ADAMTSL1: variants seen among roughly 807,000 people sequenced by gnomAD.
ADAMTSL1 encodes ADAMTS-like protein 1.
Under a neutral mutation model 201.8 loss-of-function variants are expected in ADAMTSL1, and 126 were observed. That is an observed-to-expected ratio of 0.62 (90% CI 0.54 to 0.72). ADAMTSL1 has a LOEUF of 0.72. Among genes scored for constraint, ADAMTSL1 ranks in the 30% least tolerant of loss-of-function variants. The pLI is 0.00. For missense variants in ADAMTSL1, 2,679 were observed against 2,277.8 expected, an observed-to-expected ratio of 1.18 and a Z score of -3.59; for synonymous variants, 1,121 against 903.4, an observed-to-expected ratio of 1.24 and a Z score of -4.32.
chr9:18,661,871 G>C, intron 8 of ADAMTSL1, 64 bp from the exon 9 acceptor site: 1 of 1,522,486 alleles, frequency 6.6e-7, no homozygotes, highest in Non-Finnish European at 8.8e-7. Flanking sequence ...TGGCCAAAAT[G>C]CATAAAGAAA....
intron 1 of ADAMTSL1, among the ~76,000 whole-genome samples, chr9:18,012,308 T>G (rs913784521): frequency 1.3e-5 from 2 of 152,004 alleles, no homozygotes; most frequent in Non-Finnish European, 2.9e-5. Context: ...TTTCCAGGGT[T>G]TCTGGTGTGT....
chr9:18,893,022 T>G (rs1268533395), intron 26 of ADAMTSL1, among the ~76,000 whole-genome samples: 1 of 151,528 alleles, frequency 6.6e-6, no homozygotes, highest in African/African-American at 2.4e-5. Context: ...GCCATTTGTG[T>G]CCCAGGTAAG....
At chr9:18,333,719 A>G (rs1586911304) in intron 2 of ADAMTSL1, among the ~76,000 whole-genome samples, 1 of 152,206 alleles carries the variant, frequency 6.6e-6, no homozygotes, top group Non-Finnish European at 1.5e-5. Flanking sequence ...TGTAGCTTCC[A>G]TTATAAGAAA....
intron 2 of ADAMTSL1, among the ~76,000 whole-genome samples, chr9:18,345,903 G>C (rs1835692619): frequency 1.3e-5 from 2 of 152,000 alleles, no homozygotes; most frequent in African/African-American, 2.4e-5. Context: ...ATTGAACATG[G>C]AGATCCACTC....
At chr9:18,634,911 T>TATATAAATATGTATGTAAATATATATATA (rs1554719412) in intron 5 of ADAMTSL1, among the ~76,000 whole-genome samples, 1 of 81,436 alleles carries the variant, frequency 1.2e-5, no homozygotes. Context: ...ATATATTTAA[T>TATATAAATATGTATGTAAATATATATATA]ATATATATAT....
chr9:18,367,570 T>C (rs1016944727), intron 2 of ADAMTSL1, among the ~76,000 whole-genome samples: 3 of 151,970 alleles, frequency 2.0e-5, no homozygotes, highest in African/African-American at 7.2e-5. Flanking sequence ...TTTAATATAC[T>C]ATGTATAAAT....
chr9:18,467,589 T>A (rs187001082), intron 2 of ADAMTSL1, among the ~76,000 whole-genome samples: 84 of 152,256 alleles, frequency 5.5e-4, no homozygotes, highest in African/African-American at 1.9e-3. Context: ...TTTTAAAAAA[T>A]TGCAGTTAGC....
rs181810756 is a variant in ADAMTSL1, at chr9:17,951,761, T to G, written c.87+44839T>G. 2.6e-3 allele frequency among the ~76,000 whole-genome samples: 390 copies of G among 152,240 alleles called. 3 individuals carry two copies. Among genetic ancestry groups the G allele is most frequent in the Non-Finnish European group, 3.8e-3 (256 of 68,028 alleles). ...TAGTCTGTGGCTTATCTTTTAATTT[T>G]ATGATATATTTTGTTCTAATATTTT... On this transcript the variant is annotated intron_variant, in intron 1 of 29. Transcript: ENST00000680146.
chr9:18,414,885 C>T (rs1448538224), intron 2 of ADAMTSL1, among the ~76,000 whole-genome samples: 2 of 152,096 alleles, frequency 1.3e-5, no homozygotes, highest in African/African-American at 2.4e-5. Context: ...CCGAGCACTC[C>T]CAAAGAGTGG....
chr9:18,756,840 CAT>C (rs140656620), intron 16 of ADAMTSL1, among the ~76,000 whole-genome samples: 171 of 152,358 alleles, frequency 1.1e-3, no homozygotes, highest in African/African-American at 3.9e-3. Context: ...CCACTGACCT[CAT>C]GTGTATGTTT....
chr9:18,165,996 A>G (rs1442270873), intron 2 of ADAMTSL1, among the ~76,000 whole-genome samples: 1 of 151,948 alleles, frequency 6.6e-6, no homozygotes, highest in Non-Finnish European at 1.5e-5. Flanking sequence ...GCTCTTCAGC[A>G]GAATGGGAGA....
chr9:18,201,701 A>T (rs1278205995), intron 2 of ADAMTSL1, among the ~76,000 whole-genome samples: 1 of 152,138 alleles, frequency 6.6e-6, no homozygotes, highest in East Asian at 1.9e-4. Flanking sequence ...TCTCATTCTT[A>T]TAGTGTAATA....
At chr9:18,562,349 A>G (rs1415333411) in intron 3 of ADAMTSL1, among the ~76,000 whole-genome samples, 1 of 151,782 alleles carries the variant, frequency 6.6e-6, no homozygotes, top group Admixed American at 6.6e-5. Context: ...ATTGGCCCCC[A>G]CTCTCTTCTG....
chr9:17,971,679 C>G (rs1021470331), intron 1 of ADAMTSL1, among the ~76,000 whole-genome samples: 22 of 151,780 alleles, frequency 1.4e-4, no homozygotes, highest in African/African-American at 5.1e-4. Flanking sequence ...CTAAATGGGG[C>G]TTTTATTCAA....
intron 1 of ADAMTSL1, among the ~76,000 whole-genome samples, chr9:17,924,155 G>A (rs1236879841): frequency 6.6e-6 from 1 of 151,038 alleles, no homozygotes; most frequent in Non-Finnish European, 1.5e-5. Context: ...GAGTTTGGGA[G>A]GATTCCCTCT....
chr9:18,242,378 A>G (rs1270474593), intron 2 of ADAMTSL1, among the ~76,000 whole-genome samples: 1 of 152,162 alleles, frequency 6.6e-6, no homozygotes, highest in Non-Finnish European at 1.5e-5. Context: ...AATAAAGGCC[A>G]TTTGGAAAAA....
chr9:18,717,479 G>A (rs1042233717), intron 14 of ADAMTSL1, among the ~76,000 whole-genome samples: 8 of 152,000 alleles, frequency 5.3e-5, no homozygotes, highest in East Asian at 1.9e-4. Context: ...TACAATAATA[G>A]TGACCTTAAA....
intron 1 of ADAMTSL1, among the ~76,000 whole-genome samples, chr9:18,155,882 A>G (rs906983018): frequency 1.3e-5 from 2 of 152,066 alleles, no homozygotes; most frequent in African/African-American, 2.4e-5. Flanking sequence ...TCCTGCCAAG[A>G]TAAGATTAGG....
At chr9:18,666,859 C>A (rs1390442450) in intron 9 of ADAMTSL1, among the ~76,000 whole-genome samples, 1 of 151,812 alleles carries the variant, frequency 6.6e-6, no homozygotes, top group Non-Finnish European at 1.5e-5. Flanking sequence ...ATATCTTAAT[C>A]TGTGAGATGG....
Sources: gnomAD v4.1 joint callset for allele counts (sites outside exome capture counted in the v4.1 genomes callset) on GRCh38, gnomAD v4.1.1 for gene constraint, MANE v1.5 for transcripts, NCBI Gene and HGNC (gene_info 2026-07-23, HGNC 2026-07-21) for gene names.